GLYR1: variants seen among roughly 807,000 people sequenced by gnomAD.
GLYR1 encodes cytokine-like nuclear factor N-PAC.
A neutral mutation model predicts 72.7 loss-of-function variants in GLYR1; 21 were observed. That is an observed-to-expected ratio of 0.29 (90% CI 0.20 to 0.42). GLYR1 has a LOEUF of 0.42. GLYR1 is among the 10% of genes least tolerant of loss of function. The pLI is 1.00. For synonymous variants in GLYR1, 392 were observed against 270.2 expected (o/e 1.45, Z -4.42); for missense variants, 594 against 712.1 (o/e 0.83, Z 1.89).
chr16:4,819,880 G>A (rs1343595489), intron 9 of GLYR1, among the ~76,000 whole-genome samples: 1 of 152,048 alleles, frequency 6.6e-6, no homozygotes, highest in Non-Finnish European at 1.5e-5. Context: ...AAAACAAGGA[G>A]GTACCTTTTT....
intron 1 of GLYR1, among the ~76,000 whole-genome samples, chr16:4,846,509 G>A (rs1241052864): frequency 1.3e-5 from 2 of 152,238 alleles, no homozygotes; most frequent in Non-Finnish European, 2.9e-5. Context: ...TGTAAACACA[G>A]ACTTTCCCTC....
chr16:4,829,786 C>T (rs2084670270), intron 5 of GLYR1, among the ~76,000 whole-genome samples: 2 of 152,150 alleles, frequency 1.3e-5, no homozygotes, highest in Admixed American at 6.5e-5. Context: ...GATTCTCCTG[C>T]CTCATCCTCC....
chr16:4,818,044 G>T, intron 9 of GLYR1: 1 of 194,750 alleles, frequency 5.1e-6, no homozygotes, highest in South Asian at 9.8e-5. Context: ...TTCCAGGCTG[G>T]AGTGCAATGG....
At chr16:4,808,028 G>A (rs981116924) in intron 15 of GLYR1, among the ~76,000 whole-genome samples, 1 of 152,120 alleles carries the variant, frequency 6.6e-6, no homozygotes, top group Non-Finnish European at 1.5e-5. Context: ...TTGAGGCCAG[G>A]AGTTCGAGTC....
intron 10 of GLYR1, 71 bp downstream of exon 10, chr16:4,817,527 G>A: frequency 4.5e-6 from 4 of 890,602 alleles, no homozygotes; most frequent in Non-Finnish European, 7.5e-6. Context: ...TGAGACAACA[G>A]GGGGAGATGT....
At chr16:4,817,929 C>G (rs1231304970) in intron 9 of GLYR1, 1 of 496,912 alleles carries the variant, frequency 2.0e-6, no homozygotes, top group Non-Finnish European at 3.6e-6. Flanking sequence ...TTTGAAACCC[C>G]TGACTGTCAC....
intron 12 of GLYR1, 29 bp from the exon 13 acceptor site, chr16:4,812,277 G>A (rs1488264863): frequency 6.2e-7 from 1 of 1,602,280 alleles, no homozygotes; most frequent in Non-Finnish European, 8.5e-7. Flanking sequence ...GCTTCTGGAG[G>A]CCTCCCCTCT....
At chr16:4,845,982 G>C (rs774688902) in intron 2 of GLYR1, among the ~76,000 whole-genome samples, 192 bp downstream of exon 2, 1 of 152,192 alleles carries the variant, frequency 6.6e-6, no homozygotes, top group Non-Finnish European at 1.5e-5. Flanking sequence ...AGGGTTTAGA[G>C]AAGATTTAAT....
intron 9 of GLYR1, chr16:4,821,095 T>G (rs891347147): frequency 1.8e-5 from 9 of 512,052 alleles, no homozygotes; most frequent in Non-Finnish European, 2.5e-5. Flanking sequence ...TCCAGGTGAC[T>G]GTCAGGCACA....
In GLYR1 at chr16:4,817,650, T is replaced by G. The variant is rs201801744; in HGVS notation, c.854A>C (p.Asn285Thr). ...LGLMGSGIVSNLLKMGHTVTV... is the reference protein window; with the variant it reads ...LGLMGSGIVSTLLKMGHTVTV... ...CACTGTGTGACCCATTTTTAGCAAG[T>G]TGGAGACGATTCCACTTCCCATGAG... Residue 285 changes from asparagine to threonine, a missense_variant, in exon 10 of 16, where the codon AAC becomes ACC. This residue lies in a region of GLYR1 where 266 missense variants were observed against 358.4 expected (regional missense o/e 0.74). Transcript: ENST00000321919. The G allele has an allele frequency of 1.9e-6, 3 of 1,613,694 alleles. No homozygotes were observed. The highest frequency in any genetic ancestry group is 1.3e-5 in the African/African-American group (1 of 74,892).
chr16:4,811,298 AG>A lies in GLYR1; in HGVS notation c.1463-5del, dbSNP rs2083310231. On this transcript the variant is annotated splice_polypyrimidine_tract_variant and splice_region_variant and intron_variant, in intron 14 of 15. Transcript: ENST00000321919. ...TTAAAGTTTCCTTGCAGGATATCTGAGGAGAAAAAGCCAGTATCAGACAAAA... is the reference window on the plus strand; with the variant it reads ...TTAAAGTTTCCTTGCAGGATATCTGAGAGAAAAAGCCAGTATCAGACAAAA... The A allele has an allele frequency of 1.9e-6, 3 of 1,613,220 alleles. No homozygotes were observed. Among genetic ancestry groups the A allele is most frequent in the East Asian group, 2.2e-5 (1 of 44,880 alleles).
chr16:4,841,969 C>T (rs376445636), intron 3 of GLYR1, among the ~76,000 whole-genome samples: 3 of 152,156 alleles, frequency 2.0e-5, no homozygotes, highest in Non-Finnish European at 4.4e-5. Flanking sequence ...TGGCTGAGTG[C>T]GATGGCTCAC....
At chr16:4,808,234 T>G (rs1487874624) in intron 15 of GLYR1, among the ~76,000 whole-genome samples, 3 of 66,148 alleles carry the variant, frequency 4.5e-5, no homozygotes, top group African/African-American at 2.7e-4. Context: ...AGACTCTGTC[T>G]CAAAAAAAAA....
intron 15 of GLYR1, among the ~76,000 whole-genome samples, chr16:4,807,107 CTTTTTTTTTT>C (rs765039360): frequency 9.0e-6 from 1 of 110,882 alleles, no homozygotes; most frequent in Non-Finnish European, 1.8e-5. Flanking sequence ...CGCCTGGCCC[CTTTTTTTTTT>C]TTTTTTTTTT....
chr16:4,824,878 A>G (rs2084279973), intron 5 of GLYR1, among the ~76,000 whole-genome samples: 1 of 152,102 alleles, frequency 6.6e-6, no homozygotes, highest in African/African-American at 2.4e-5. Context: ...CCCCCTGCCT[A>G]AACTACTCCT....
intron 15 of GLYR1, among the ~76,000 whole-genome samples, chr16:4,808,409 C>T (rs1267549337): frequency 6.6e-6 from 1 of 152,022 alleles, no homozygotes; most frequent in East Asian, 1.9e-4. Flanking sequence ...CCAACCTGGC[C>T]AACATGGTGA....
chr16:4,819,501 G>C (rs975901585), intron 9 of GLYR1, among the ~76,000 whole-genome samples: 1 of 152,098 alleles, frequency 6.6e-6, no homozygotes, highest in African/African-American at 2.4e-5. Flanking sequence ...TGTAGAGACG[G>C]GGTCTTGCTG....
chr16:4,820,270 T>C (rs2083926578), intron 9 of GLYR1, among the ~76,000 whole-genome samples: 1 of 152,230 alleles, frequency 6.6e-6, no homozygotes, highest in Non-Finnish European at 1.5e-5. Context: ...ATAACAGCCA[T>C]GAGCCACCAT....
chr16:4,828,045 G>A, intron 5 of GLYR1, among the ~76,000 whole-genome samples: 1 of 151,762 alleles, frequency 6.6e-6, no homozygotes, highest in Non-Finnish European at 1.5e-5. Flanking sequence ...TTTAAGCAAT[G>A]AAGTATTTTT....
Sources: gnomAD v4.1 joint callset for allele counts (sites outside exome capture counted in the v4.1 genomes callset) on GRCh38, gnomAD v4.1.1 for gene constraint, gnomAD v4.1.1 regional missense constraint, MANE v1.5 for transcripts, NCBI Gene and HGNC (gene_info 2026-07-23, HGNC 2026-07-21) for gene names.